The following DSG4 variants were observed in gnomAD, a reference collection of about 807,000 sequenced individuals.
The protein encoded by DSG4 is desmoglein-4.
In DSG4, 87 loss-of-function variants were observed where a neutral mutation model predicts 93.1. The ratio of observed to expected loss-of-function variants is 0.93; its 90% CI spans 0.79 to 1.12. The LOEUF (loss-of-function observed/expected upper bound fraction) is 1.12, where lower values mean the gene tolerates loss of function less well. Among genes scored for constraint, DSG4 ranks in the 50% most tolerant of loss-of-function variants. The pLI, the probability that DSG4 is intolerant of heterozygous loss-of-function variation, is 0.00. For synonymous variants in DSG4, 432 were observed against 452.9 expected, an observed-to-expected ratio of 0.95 and a Z score of 0.59; for missense variants, 1,373 against 1,285.7, an observed-to-expected ratio of 1.07 and a Z score of -1.04.
chr18:31,376,918 T>C lies in DSG4; in HGVS notation c.7T>C (p.Trp3Arg). 1 of 1,613,686 alleles carries C rather than the reference T, an allele frequency of 6.2e-7. No individual in the cohort carries two copies. Among genetic ancestry groups the C allele is most frequent in the South Asian group, 1.1e-5 (1 of 91,062 alleles). Residue 3 changes from tryptophan (W) to arginine (R), a missense_variant, in exon 1 of 16, where the codon TGG becomes CGG. Physicochemically the swap from Trp to Arg is moderately radical, Grantham distance 101. Coordinates refer to ENST00000308128, the MANE Select transcript of DSG4 (RefSeq NM_177986.5). ...GCAAGAGAAACCCAAAGGAATGGAT[T>C]GGCTCTTCTTCAGAAACATTTGCCT... MD[W>R]LFFRNICLLI...
intron 1 of DSG4, among the ~76,000 whole-genome samples, chr18:31,380,697 C>A (rs1003953814): frequency 6.6e-6 from 1 of 152,120 alleles, no homozygotes; most frequent in African/African-American, 2.4e-5. Flanking sequence ...AAGCGTTATT[C>A]AGGAAAGAAC....
At chr18:31,399,114 C>A (rs535047774) in intron 8 of DSG4, among the ~76,000 whole-genome samples, 158 bp from the exon 9 acceptor site, 137 of 152,240 alleles carry the variant, frequency 9.0e-4, no homozygotes, top group African/African-American at 3.1e-3. Context: ...ATCTAAGATA[C>A]CTAATGCAGT....
chr18:31,412,124 T>G (rs1476876556), intron 15 of DSG4, among the ~76,000 whole-genome samples: 1 of 152,240 alleles, frequency 6.6e-6, no homozygotes, highest in Non-Finnish European at 1.5e-5. Context: ...AATCAACCTG[T>G]GTCCATCAAC....
chr18:31,392,077 T>C, intron 7 of DSG4, 78 bp from the exon 8 acceptor site: 1 of 1,386,164 alleles, frequency 7.2e-7, no homozygotes, highest in Non-Finnish European at 1.0e-6. Context: ...GTTAGTATTT[T>C]AAATAATAAT....
chr18:31,400,981 A>T lies in DSG4; in HGVS notation c.1378A>T (p.Ile460Phe). 1 of 1,611,282 alleles carries T rather than the reference A, an allele frequency of 6.2e-7. No individual in the cohort carries two copies. The highest frequency in any genetic ancestry group is 8.5e-7 in the Non-Finnish European group (1 of 1,178,152). Residue 460 changes from isoleucine (I) to phenylalanine (F), a missense_variant, in exon 10 of 16, where the codon ATC becomes TTC. Transcript: ENST00000308128. Reference protein sequence around the residue: ...REFDKKSKYIINGIYTAEILA... With the variant: ...REFDKKSKYIFNGIYTAEILA... ...ATTTGATAAGAAGTCAAAATATATTATCAATGGGATATACACAGCAGAGAT... is the reference window on the plus strand; with the variant it reads ...ATTTGATAAGAAGTCAAAATATATTTTCAATGGGATATACACAGCAGAGAT...
intron 10 of DSG4, among the ~76,000 whole-genome samples, chr18:31,403,049 G>A (rs2072385694): frequency 6.6e-6 from 1 of 152,088 alleles, no homozygotes; most frequent in African/African-American, 2.4e-5. Flanking sequence ...TAATTTATGG[G>A]AACAGGGTGA....
chr18:31,390,308 G>T (rs1158926172), intron 5 of DSG4, among the ~76,000 whole-genome samples: 1 of 151,972 alleles, frequency 6.6e-6, no homozygotes, highest in Non-Finnish European at 1.5e-5. Flanking sequence ...GATTTCACAA[G>T]ACCATGGCAA....
intron 15 of DSG4, among the ~76,000 whole-genome samples, chr18:31,411,931 G>C (rs1208344242): frequency 1.3e-5 from 2 of 152,180 alleles, no homozygotes; most frequent in Non-Finnish European, 2.9e-5. Flanking sequence ...GCTAGATTAA[G>C]ACCTAGAAGA....
chr18:31,403,271 G>A lies in DSG4; in HGVS notation c.1418-145G>A, dbSNP rs2072388094. On this transcript the variant is annotated intron_variant, in intron 10 of 15. Coordinates refer to ENST00000308128, the MANE Select transcript of DSG4 (RefSeq NM_177986.5). ...GCACACAAAGGGAAGAGTGACTTTG[G>A]GTCACTGAAGCGGGCAGGAACCTGT... 8.5e-6 allele frequency: 6 copies of A among 704,016 alleles called. No individual in the cohort carries two copies. The East Asian group carries it at 1.6e-4, about 19-fold the overall frequency. 43.6% of individuals were successfully genotyped at this position (704,016 alleles called of 1,614,324 possible).
At position 31,398,026 on chromosome 18, in the gene DSG4, CAAAAAAAA is replaced by C. The variant is rs58572396; in HGVS notation, c.1006-1230_1006-1223del. On this transcript the variant is annotated intron_variant, in intron 8 of 15. Transcript: ENST00000308128. Reference sequence around the variant, plus strand: ...TGAGCGACAGAATGAGACCCTGTCTCAAAAAAAAAAAAAAAAAAAAAAACTTGAGGTTC... The same window carrying C: ...TGAGCGACAGAATGAGACCCTGTCTCAAAAAAAAAAAAAAACTTGAGGTTC... Among the ~76,000 whole-genome samples, 62 of 80,790 alleles carry C rather than the reference CAAAAAAAA, an allele frequency of 7.7e-4. 1 individual carries two copies. The highest frequency in any genetic ancestry group is 2.7e-3 in the African/African-American group (57 of 21,254). The allele number at this position is 80,790 out of a possible 152,430, so 53.0% of individuals were successfully genotyped here. A position where few individuals can be genotyped will look rare whatever the true frequency, so the allele number is the denominator to read the frequency against.
rs2072220300 is a variant in DSG4 at position 31,388,976 on chromosome 18, C to A, written c.475C>A (p.Gln159Lys). The stretch of plus-strand genomic sequence containing the variant: ...AAATGATAACGCTCCAGTCTTTTCG[C>A]AAAGTGTATACACAGCCAGCATTGA... ...DINDNAPVFS[Q>K]SVYTASIEEN... Residue 159 changes from glutamine to lysine, a missense_variant, in exon 5 of 16, where the codon CAA becomes AAA. Coordinates refer to ENST00000308128, the MANE Select transcript of DSG4 (RefSeq NM_177986.5). 6.2e-7 allele frequency: 1 copy of A among 1,613,470 alleles called. No individual in the cohort carries two copies.
At chr18:31,403,329 A>C in intron 10 of DSG4, 87 bp from the exon 11 acceptor site, 1 of 1,134,590 alleles carries the variant, frequency 8.8e-7, no homozygotes, top group Non-Finnish European at 1.3e-6. Context: ...TGTTTCCTAC[A>C]AGTTCCATGG....
chr18:31,413,545 T>C lies in DSG4; in HGVS notation c.3073T>C (p.Ser1025Pro). Residue 1025 changes from serine to proline, a missense_variant, in exon 16 of 16, where the codon TCT (serine) becomes CCT (proline). Transcript: ENST00000308128. Reference sequence around the variant, plus strand: ...CGTTGGCTCCACATCCCCCATGACATCTCGACACAGAGTAACACGATACAG... The same window carrying C: ...CGTTGGCTCCACATCCCCCATGACACCTCGACACAGAGTAACACGATACAG... ...QTVGSTSPMT[S>P]RHRVTRYSNI... 2 of 1,614,006 alleles carry C rather than the reference T, an allele frequency of 1.2e-6. No homozygotes were observed. Among genetic ancestry groups the C allele is most frequent in the Admixed American group, 1.7e-5 (1 of 60,004 alleles).
In DSG4 at chr18:31,411,244, C is replaced by A. The variant is rs753065892; in HGVS notation, c.2151C>A (p.Asn717Lys). The A allele has an allele frequency of 6.2e-7, 1 of 1,613,982 alleles. No homozygotes were observed. Among genetic ancestry groups the A allele is most frequent in the South Asian group, 1.1e-5 (1 of 91,084 alleles). Residue 717 changes from asparagine to lysine, a missense_variant, in exon 15 of 16, where the codon AAC becomes AAA. Coordinates refer to ENST00000308128, the MANE Select transcript of DSG4 (RefSeq NM_177986.5). ...DRMDSSEIYT[N>K]TYAAGGTVEG... ...CTCCCTTTTCAGAAATCTACACCAA[C>A]ACCTATGCAGCCGGGGGCACGGTGG...
At chr18:31,389,701 C>A (rs187512381) in intron 5 of DSG4, among the ~76,000 whole-genome samples, 2 of 152,196 alleles carry the variant, frequency 1.3e-5, no homozygotes, top group East Asian at 3.9e-4. Flanking sequence ...TCCCCAAACC[C>A]CTGTTGTCCC....
At chr18:31,399,165 AT>A (rs2072336578) in intron 8 of DSG4, 106 bp from the exon 9 acceptor site, 2 of 1,421,462 alleles carry the variant, frequency 1.4e-6, no homozygotes, top group African/African-American at 1.4e-5. Context: ...TAAACAGCGT[AT>A]CTCCTGGACC....
At chr18:31,402,402 CTG>C (rs1393855878) in intron 10 of DSG4, among the ~76,000 whole-genome samples, 1 of 152,164 alleles carries the variant, frequency 6.6e-6, no homozygotes, top group African/African-American at 2.4e-5. Flanking sequence ...ATAAAACAAT[CTG>C]TGGAATAATC....
intron 14 of DSG4, 55 bp from the exon 15 acceptor site, chr18:31,411,176 A>C (rs1360459274): frequency 6.2e-7 from 1 of 1,614,114 alleles, no homozygotes; most frequent in Non-Finnish European, 8.5e-7. Context: ...CGTTTTAGGC[A>C]GATGCGCGCT....
rs760534067 is a variant in DSG4, at chr18:31,392,173, G to C, written c.838G>C (p.Glu280Gln). 1.2e-6 allele frequency: 2 copies of C among 1,613,556 alleles called. No individual in the cohort carries two copies. The highest frequency in any genetic ancestry group is 1.3e-5 in the African/African-American group (1 of 74,898). ...EKTSYSASIE[E>Q]NCLSSELIRL... ...ATTTTAGTACTCAGCCAGTATTGAA[G>C]AGAATTGTTTAAGTTCGGAACTGAT... Residue 280 changes from glutamate to glutamine, a missense_variant, in exon 8 of 16, where the codon GAG (glutamate) becomes CAG (glutamine). Transcript: ENST00000308128.
Sources: allele counts gnomAD v4.1 joint callset (sites outside exome capture counted in the v4.1 genomes callset), GRCh38; gene constraint gnomAD v4.1.1; transcripts MANE v1.5; gene names NCBI Gene and HGNC (gene_info 2026-07-23, HGNC 2026-07-21).